The following PSMF1 variants were observed in gnomAD, a reference collection of about 807,000 sequenced individuals.
PSMF1 encodes proteasome inhibitor PI31 subunit.
In PSMF1, 30 loss-of-function variants were observed where a neutral mutation model predicts 29.3. That is an observed-to-expected ratio of 1.02 (90% CI 0.77 to 1.39). The LOEUF is 1.39. PSMF1 is among the 40% of genes most tolerant of loss of function. The pLI is 0.00. For synonymous variants in PSMF1, 134 were observed against 139.7 expected (o/e 0.96, Z 0.29); for missense variants, 344 against 357.5 (o/e 0.96, Z 0.31).
At chr20:1,140,385 T>G (rs2086366432) in intron 4 of PSMF1, among the ~76,000 whole-genome samples, 1 of 152,162 alleles carries the variant, frequency 6.6e-6, no homozygotes, top group South Asian at 2.1e-4. Context: ...CTGGGACAAT[T>G]GGATATCTAC....
At chr20:1,158,972 C>T (rs2086630349) in intron 4 of PSMF1, among the ~76,000 whole-genome samples, 2 of 151,546 alleles carry the variant, frequency 1.3e-5, no homozygotes, top group Admixed American at 1.3e-4. Flanking sequence ...AGGAGAATTG[C>T]TTGAACCTGG....
Position 1,125,627 on chromosome 20 carries a change from A to G in PSMF1, c.259A>G (p.Ser87Gly). 1 of 1,613,446 alleles carries G rather than the reference A, an allele frequency of 6.2e-7. No homozygotes were observed. Among genetic ancestry groups the G allele is most frequent in the African/African-American group, 1.3e-5 (1 of 75,016 alleles). The change falls in exon 2 of 7, where the codon AGC (serine) becomes GGC (glycine). Residue 87 changes from serine (S) to glycine (G), a missense_variant. Ser to Gly is a moderately conservative substitution (Grantham distance 56, BLOSUM62 0). Coordinates refer to ENST00000335877, the MANE Select transcript of PSMF1 (RefSeq NM_006814.5). ...CCTTGTGAAAGCCATCACCGTGGAG[A>G]GCAGCATGATCCTCAATGTGCTGGT... Reference protein sequence around the residue: ...KLLVKAITVESSMILNVLEYG... With the variant: ...KLLVKAITVEGSMILNVLEYG...
intron 4 of PSMF1, among the ~76,000 whole-genome samples, chr20:1,162,076 G>C (rs867245512): frequency 6.6e-6 from 1 of 152,164 alleles, no homozygotes; most frequent in Non-Finnish European, 1.5e-5. Context: ...TCATGTGTCA[G>C]GGCTGAGTAT....
At chr20:1,130,531 C>T (rs183869475) in intron 3 of PSMF1, among the ~76,000 whole-genome samples, 1 of 152,208 alleles carries the variant, frequency 6.6e-6, no homozygotes, top group Non-Finnish European at 1.5e-5. Flanking sequence ...CCTGACCTCA[C>T]GTAGCCAACT....
chr20:1,138,295 G>C (rs2086333663), intron 4 of PSMF1, among the ~76,000 whole-genome samples: 2 of 144,628 alleles, frequency 1.4e-5, no homozygotes, highest in African/African-American at 4.9e-5. Flanking sequence ...ACATGACCAA[G>C]TGAAATTGAT....
At chr20:1,122,295 C>T (rs1025035521) in intron 1 of PSMF1, among the ~76,000 whole-genome samples, 5 of 131,634 alleles carry the variant, frequency 3.8e-5, no homozygotes, top group Admixed American at 7.6e-5. Context: ...TTTTTCTTTT[C>T]TTTTTTTTTT....
At chr20:1,152,840 CT>C (rs1568479247) in intron 4 of PSMF1, among the ~76,000 whole-genome samples, 2 of 152,080 alleles carry the variant, frequency 1.3e-5, no homozygotes, top group African/African-American at 2.4e-5. Context: ...AATGCAAGTT[CT>C]TTTTTTAGCC....
rs1318120088 is a variant in PSMF1, at chr20:1,171,428, G to A, written c.*6348G>A. On this transcript the variant is annotated 3_prime_UTR_variant, in exon 7 of 7. Transcript: ENST00000335877. ...CACCTCGGCCTTCTGAGTTTAGTAG[G>A]ATGGCAGCTAGTCTTCCCTATTGAC... is the stretch of plus-strand genomic sequence containing the variant. Among the ~76,000 whole-genome samples, 1 of 152,158 alleles carries A rather than the reference G, an allele frequency of 6.6e-6. No individual in the cohort carries two copies. The highest frequency in any genetic ancestry group is 6.5e-5 in the Admixed American group (1 of 15,276).
intron 4 of PSMF1, among the ~76,000 whole-genome samples, chr20:1,153,684 A>G (rs1156697606): frequency 1.3e-5 from 2 of 152,206 alleles, no homozygotes; most frequent in Non-Finnish European, 2.9e-5. Context: ...CAAATGTGAA[A>G]TATATCTTTC....
At chr20:1,146,878 G>A (rs1419485816) in intron 4 of PSMF1, among the ~76,000 whole-genome samples, 1 of 152,144 alleles carries the variant, frequency 6.6e-6, no homozygotes. Flanking sequence ...AATATTCAGT[G>A]GTCTAGTAAC....
chr20:1,141,054 G>A (rs898007661), intron 4 of PSMF1, among the ~76,000 whole-genome samples: 4 of 152,142 alleles, frequency 2.6e-5, no homozygotes, highest in South Asian at 2.1e-4. Flanking sequence ...AAAACATCAC[G>A]TTAAGTGAAA....
chr20:1,167,996 A>G lies in PSMF1; in HGVS notation c.*2916A>G, dbSNP rs62186930. On this transcript the variant is annotated 3_prime_UTR_variant, in exon 7 of 7. Coordinates refer to ENST00000335877, the MANE Select transcript of PSMF1 (RefSeq NM_006814.5). ...TTCCAGTTTCCCCACATCTTCACCA[A>G]CTCTTGTTATTTTTCATGCTTATGG... 0.23 allele frequency: 34,772 copies of G among 152,010 alleles called. 5,247 individuals are homozygous for G. The highest frequency in any genetic ancestry group is 0.67 in the East Asian group (3,440 of 5,164). The allele number at this position is 152,010 out of a possible 1,614,324, so 9.4% of individuals were successfully genotyped here. A position where few individuals can be genotyped will look rare whatever the true frequency, so the allele number is the denominator to read the frequency against.
At chr20:1,158,959 G>C (rs898503594) in intron 4 of PSMF1, among the ~76,000 whole-genome samples, 2 of 152,046 alleles carry the variant, frequency 1.3e-5, no homozygotes, top group African/African-American at 4.8e-5. Flanking sequence ...AGGAGGCTGA[G>C]GCAGGAGAAT....
chr20:1,144,755 T>C (rs1008984345), intron 4 of PSMF1, among the ~76,000 whole-genome samples: 1 of 152,220 alleles, frequency 6.6e-6, no homozygotes, highest in Non-Finnish European at 1.5e-5. Flanking sequence ...GATTAGTGGT[T>C]GCCAGGGGTT....
chr20:1,149,366 G>A (rs987168617), intron 4 of PSMF1, among the ~76,000 whole-genome samples: 3 of 152,140 alleles, frequency 2.0e-5, no homozygotes, highest in African/African-American at 4.8e-5. Context: ...CCTTTTACCC[G>A]TGTATAATAC....
chr20:1,161,667 G>T (rs1600174900), intron 4 of PSMF1: 1 of 670,998 alleles, frequency 1.5e-6, no homozygotes, highest in Non-Finnish European at 2.8e-6. Flanking sequence ...GACAAGTCGG[G>T]CCCCTCCATG....
intron 4 of PSMF1, among the ~76,000 whole-genome samples, chr20:1,157,033 G>C (rs1002137901): frequency 1.7e-4 from 26 of 152,180 alleles, no homozygotes; most frequent in African/African-American, 6.3e-4. Flanking sequence ...GGAGCAAGGA[G>C]AGCCGGTCTG....
Position 1,163,288 on chromosome 20 carries a change from G to A in PSMF1, c.605+105G>A. 10 of 1,290,774 alleles carry A rather than the reference G, an allele frequency of 7.7e-6. No individual in the cohort carries two copies. The highest frequency in any genetic ancestry group is 9.9e-6 in the Non-Finnish European group (9 of 910,470). The allele number at this position is 1,290,774 out of a possible 1,614,324, so 80.0% of individuals were successfully genotyped here. A position where few individuals can be genotyped will look rare whatever the true frequency, so the allele number is the denominator to read the frequency against. On this transcript the variant is annotated intron_variant, in intron 5 of 6. Transcript: ENST00000335877. The surrounding 1 kb of genome is among the most constrained non-coding windows in gnomAD (Gnocchi z 6.1). ...GTTTTCGGTCAGTCTCTTCCTTTGG[G>A]GTGGAGGAGGCAGTTGTTGCTGAGC...
chr20:1,149,309 T>C (rs1216069013), intron 4 of PSMF1, among the ~76,000 whole-genome samples: 1 of 152,262 alleles, frequency 6.6e-6, no homozygotes, highest in East Asian at 1.9e-4. Context: ...ACTTGTTATA[T>C]ATCTGTTACA....
Sources: allele counts gnomAD v4.1 joint callset (sites outside exome capture counted in the v4.1 genomes callset), GRCh38; gene constraint gnomAD v4.1.1; non-coding constraint Gnocchi (gnomAD v3.1); transcripts MANE v1.5; gene names NCBI Gene and HGNC (gene_info 2026-07-23, HGNC 2026-07-21).